BLM: variants seen among roughly 807,000 people sequenced by gnomAD.
The protein encoded by BLM is BLM RecQ like helicase.
A neutral mutation model predicts 135.3 loss-of-function variants in BLM; 95 were observed. The observed-to-expected ratio is 0.70, with a 90% CI of 0.59 to 0.83. BLM has a LOEUF of 0.83. Among genes scored for constraint, BLM ranks in the 40% least tolerant of loss-of-function variants. The pLI is 0.00. For missense variants in BLM, 1,518 were observed against 1,663.9 expected (o/e 0.91, Z 1.53); for synonymous variants, 520 against 589.2 (o/e 0.88, Z 1.70).
At chr15:90,748,323 G>A (rs551809960) in intron 2 of BLM, among the ~76,000 whole-genome samples, 1 of 150,790 alleles carries the variant, frequency 6.6e-6, no homozygotes, top group South Asian at 2.1e-4. Flanking sequence ...GGGCAGACTG[G>A]TCTCAAACTC....
At chr15:90,793,947 GAA>G in intron 15 of BLM, 1 of 289,704 alleles carries the variant, frequency 3.5e-6, no homozygotes, top group South Asian at 6.2e-5. Flanking sequence ...ATGAAGATTT[GAA>G]AAAAAAAAAC....
In BLM at chr15:90,808,513, T is replaced by G. The variant is rs187387270; in HGVS notation, c.3752-624T>G. The stretch of plus-strand genomic sequence containing the variant: ...CCACCAGGCTCCCGGATTCTACTCT[T>G]TCCTTTACAGTCAAGTTCTTAAACA... On this transcript the variant is annotated intron_variant, in intron 19 of 21. Transcript: ENST00000355112. Among the ~76,000 whole-genome samples, 13 of 152,356 alleles carry G rather than the reference T, an allele frequency of 8.5e-5. 1 individual carries two copies. In the East Asian group the frequency reaches 2.5e-3, roughly 29 times the overall value.
At chr15:90,806,712 A>G (rs1350841242) in intron 19 of BLM, among the ~76,000 whole-genome samples, 1 of 152,174 alleles carries the variant, frequency 6.6e-6, no homozygotes, top group Non-Finnish European at 1.5e-5. Context: ...GTCTTCATAT[A>G]GTTGGCCAGC....
intron 14 of BLM, among the ~76,000 whole-genome samples, chr15:90,789,275 A>G (rs1476332598): frequency 6.6e-6 from 1 of 152,190 alleles, no homozygotes; most frequent in Non-Finnish European, 1.5e-5. Context: ...GCGCAGAAAT[A>G]AAGAAGGAAA....
intron 16 of BLM, 118 bp from the exon 17 acceptor site, chr15:90,798,072 G>A (rs1897072239): frequency 1.2e-6 from 1 of 826,092 alleles, no homozygotes; most frequent in Non-Finnish European, 1.8e-6. Context: ...GTAGGTTTTG[G>A]TCTCGGTATT....
At chr15:90,719,070 C>T (rs940962498) in intron 1 of BLM, among the ~76,000 whole-genome samples, 6 of 152,124 alleles carry the variant, frequency 3.9e-5, no homozygotes, top group African/African-American at 9.7e-5. Flanking sequence ...TGGCTCACTG[C>T]AAGCTCCGCC....
intron 1 of BLM, among the ~76,000 whole-genome samples, chr15:90,723,569 C>T (rs1894826182): frequency 6.6e-6 from 1 of 152,048 alleles, no homozygotes; most frequent in South Asian, 2.1e-4. Flanking sequence ...AGGAGGATCA[C>T]TTGAGCTTAG....
chr15:90,789,687 C>T (rs985229489), intron 14 of BLM, among the ~76,000 whole-genome samples: 5 of 152,144 alleles, frequency 3.3e-5, no homozygotes, highest in Non-Finnish European at 7.3e-5. Flanking sequence ...TCCGCTGGTA[C>T]TCACAGTTAC....
intron 12 of BLM, among the ~76,000 whole-genome samples, chr15:90,779,539 C>T (rs1242357078): frequency 2.0e-5 from 3 of 151,966 alleles, no homozygotes; most frequent in African/African-American, 7.2e-5. Context: ...AATCTACTAC[C>T]TTTTTTGCCA....
chr15:90,733,939 C>G (rs188142303), intron 1 of BLM, among the ~76,000 whole-genome samples: 3 of 151,926 alleles, frequency 2.0e-5, no homozygotes, highest in Admixed American at 6.6e-5. Context: ...TATTTTATAT[C>G]GGTTTTTATG....
At chr15:90,735,236 A>ATATATATATAT in intron 1 of BLM, among the ~76,000 whole-genome samples, 1 of 108,206 alleles carries the variant, frequency 9.2e-6, no homozygotes, top group African/African-American at 3.5e-5. Context: ...TGCCTAAGTT[A>ATATATATATAT]ATATATATAT....
intron 1 of BLM, among the ~76,000 whole-genome samples, chr15:90,739,547 C>T (rs994268733): frequency 1.1e-4 from 17 of 152,166 alleles, no homozygotes; most frequent in African/African-American, 4.1e-4. Context: ...AATTCTGACA[C>T]ATGTCTCACA....
intron 16 of BLM, among the ~76,000 whole-genome samples, chr15:90,797,804 A>G (rs1032767544): frequency 3.9e-5 from 6 of 152,222 alleles, no homozygotes; most frequent in African/African-American, 1.4e-4. Flanking sequence ...ATGGCACCAA[A>G]GACCCCAGAG....
intron 8 of BLM, 145 bp downstream of exon 8, chr15:90,763,302 A>C: frequency 1.2e-6 from 1 of 828,594 alleles, no homozygotes; most frequent in Non-Finnish European, 2.0e-6. Flanking sequence ...GAGAAAGCAT[A>C]TTACTTTATA....
In BLM at chr15:90,798,337, G is replaced by C. The variant is rs139773499; in HGVS notation, c.3358G>C (p.Gly1120Arg). ...GAATATGCTGGTCGACATTTTCTTG[G>C]GTAAGTCATCTGTTTTGAATGTTTG... ...TMNMLVDIFL[G>R]SKSAKIQSGI... The change falls in exon 17 of 22, where the codon GGG (glycine) becomes CGG (arginine). Residue 1120 changes from glycine to arginine, a missense_variant and splice_region_variant. By Grantham distance (125) the Gly-to-Arg change is moderately radical. Coordinates refer to ENST00000355112, the MANE Select transcript of BLM (RefSeq NM_000057.4). 6.2e-7 allele frequency: 1 copy of C among 1,612,154 alleles called. No homozygotes were observed. Among genetic ancestry groups the C allele is most frequent in the Non-Finnish European group, 8.5e-7 (1 of 1,179,116 alleles).
intron 10 of BLM, among the ~76,000 whole-genome samples, chr15:90,768,106 C>G (rs1214799960): frequency 1.3e-5 from 2 of 151,896 alleles, no homozygotes; most frequent in African/African-American, 4.8e-5. Flanking sequence ...TGATACCTGG[C>G]TAATTTTTGT....
intron 14 of BLM, among the ~76,000 whole-genome samples, chr15:90,786,402 G>A (rs1248625857): frequency 6.6e-6 from 1 of 152,154 alleles, no homozygotes; most frequent in Non-Finnish European, 1.5e-5. Context: ...TGGACTTGCT[G>A]GGTCAAATGG....
At chr15:90,745,326 C>A (rs752743886) in intron 1 of BLM, among the ~76,000 whole-genome samples, 2 of 152,134 alleles carry the variant, frequency 1.3e-5, no homozygotes, top group South Asian at 2.1e-4. Flanking sequence ...AAAAAAAATT[C>A]ATCACTATTT....
rs756155242 is a variant in BLM, at chr15:90,784,949, C to T, written c.2691C>T (p.Ser897=). The part of the protein sequence containing the change: ...PYDSGIIYCL[S]RRECDTMADT... Reference sequence around the variant, plus strand: ...ATTCAGGGATAATTTACTGCCTCTCCAGGCGAGAATGTGACACCATGGCTG... The same window carrying T: ...ATTCAGGGATAATTTACTGCCTCTCTAGGCGAGAATGTGACACCATGGCTG... Residue 897 remains serine (S), a synonymous_variant, in exon 14 of 22, where the codon TCC becomes TCT. Transcript: ENST00000355112. The T allele has an allele frequency of 2.0e-5, 32 of 1,613,900 alleles. No individual in the cohort carries two copies. Among genetic ancestry groups the T allele is most frequent in the Non-Finnish European group, 2.5e-5 (30 of 1,179,972 alleles).
Sources: gnomAD v4.1 joint callset for allele counts (sites outside exome capture counted in the v4.1 genomes callset) on GRCh38, gnomAD v4.1.1 for gene constraint, MANE v1.5 for transcripts, NCBI Gene and HGNC (gene_info 2026-07-23, HGNC 2026-07-21) for gene names.